The following SMG6 variants were observed in gnomAD, a reference collection of about 807,000 sequenced individuals.
The protein encoded by SMG6 is telomerase-binding protein EST1A.
Under a neutral mutation model 142.2 loss-of-function variants are expected in SMG6, and 66 were observed. That is an observed-to-expected ratio of 0.46 (90% confidence interval 0.38 to 0.57). The LOEUF is 0.57. SMG6 is among the 20% of genes least tolerant of loss of function. The pLI, the probability that SMG6 is intolerant of heterozygous loss-of-function variation, is 0.00. For missense variants in SMG6, 1,793 were observed against 1,832.0 expected (o/e 0.98, Z 0.39); for synonymous variants, 779 against 702.4 (o/e 1.11, Z -1.72).
chr17:2,075,199 T>C (rs2068223469), intron 15 of SMG6, among the ~76,000 whole-genome samples: 1 of 151,386 alleles, frequency 6.6e-6, no homozygotes, highest in African/African-American at 2.4e-5. Context: ...GTATACCCCA[T>C]TGTTCCACAA....
chr17:2,087,472 C>G, intron 13 of SMG6: 1 of 1,088,714 alleles, frequency 9.2e-7, no homozygotes, highest in Non-Finnish European at 1.1e-6. Flanking sequence ...TCACCATTGG[C>G]CCTGTTACCA....
chr17:2,303,460 C>T (rs1341104608), intron 1 of SMG6, 173 bp downstream of exon 1: 10 of 1,318,392 alleles, frequency 7.6e-6, no homozygotes, highest in African/African-American at 1.5e-5. Flanking sequence ...CCCGACCCCG[C>T]ACTAACCCGC....
intron 13 of SMG6, among the ~76,000 whole-genome samples, chr17:2,124,955 T>G (rs990778916): frequency 6.6e-6 from 1 of 152,174 alleles, no homozygotes; most frequent in Non-Finnish European, 1.5e-5. Flanking sequence ...CCCATCAGAA[T>G]GATGAACAAG....
intron 15 of SMG6, chr17:2,072,024 G>A (rs1475436470): frequency 2.0e-5 from 3 of 152,338 alleles, no homozygotes; most frequent in East Asian, 3.9e-4. Context: ...GATGCGCAGG[G>A]AGTGAAAAAG....
At chr17:2,110,349 T>C (rs1398665733) in intron 13 of SMG6, among the ~76,000 whole-genome samples, 2 of 152,176 alleles carry the variant, frequency 1.3e-5, no homozygotes, top group Non-Finnish European at 2.9e-5. Context: ...TTTTAGGCCC[T>C]GTTGCGAGTT....
At chr17:2,295,741 A>T (rs1421789714) in intron 4 of SMG6, among the ~76,000 whole-genome samples, 1 of 151,868 alleles carries the variant, frequency 6.6e-6, no homozygotes, top group Non-Finnish European at 1.5e-5. Context: ...CTTTCTCCTG[A>T]CCTCCAGAGA....
chr17:2,061,349 G>C lies in SMG6; in HGVS notation c.*143C>G. ...GTGAGGAGCAGGTCCCCCACAGCAT[G>C]GCCGTGGCGTGGGTTGGAAGAGGAT... On this transcript the variant is annotated 3_prime_UTR_variant, in exon 19 of 19. Transcript: ENST00000263073. The C allele has an allele frequency of 1.2e-6, 1 of 807,370 alleles. No homozygotes were observed. Among genetic ancestry groups the C allele is most frequent in the Non-Finnish European group, 1.9e-6 (1 of 521,998 alleles). The allele number at this position is 807,370 out of a possible 1,614,324, so 50.0% of individuals were successfully genotyped here.
intron 11 of SMG6, among the ~76,000 whole-genome samples, chr17:2,187,200 A>G (rs1457545483): frequency 6.6e-6 from 1 of 152,158 alleles, no homozygotes; most frequent in Non-Finnish European, 1.5e-5. Context: ...GAGAAACCCA[A>G]ACTGTGGGAC....
At chr17:2,254,838 C>T (rs1002469238) in intron 8 of SMG6, among the ~76,000 whole-genome samples, 1 of 152,166 alleles carries the variant, frequency 6.6e-6, no homozygotes, top group African/African-American at 2.4e-5. Flanking sequence ...AGTGCCATGA[C>T]TGGGGAAGGC....
intron 12 of SMG6, among the ~76,000 whole-genome samples, chr17:2,176,239 T>C (rs1353271316): frequency 4.6e-5 from 7 of 152,196 alleles, no homozygotes; most frequent in Admixed American, 4.6e-4. Flanking sequence ...TTTCCTGCTT[T>C]AATTCCTCAT....
At chr17:2,201,764 C>T (rs184489284) in intron 10 of SMG6, among the ~76,000 whole-genome samples, 19 of 152,044 alleles carry the variant, frequency 1.2e-4, no homozygotes, top group African/African-American at 4.6e-4. Context: ...TGGCTCATGG[C>T]TGTAATCTCA....
chr17:2,282,998 C>A, intron 7 of SMG6, 139 bp from the exon 8 acceptor site: 1 of 722,982 alleles, frequency 1.4e-6, no homozygotes, highest in Non-Finnish European at 2.3e-6. Flanking sequence ...TAGTGAAACC[C>A]TGTCTCTACT....
In SMG6 at chr17:2,298,997, G is replaced by A. The variant is rs779382943; in HGVS notation, c.1756C>T (p.Arg586Trp). 1.2e-5 allele frequency: 20 copies of A among 1,614,042 alleles called. No homozygotes were observed. The highest frequency in any genetic ancestry group is 2.2e-5 in the South Asian group (2 of 91,094). ...LQQQELHRLL[R>W]VADNQELQLS... ...TGCAGTTCCTGGTTGTCAGCCACCCGGAGAAGCCTGTGCAGCTCCTGTTGC... is the reference window on the plus strand; with the variant it reads ...TGCAGTTCCTGGTTGTCAGCCACCCAGAGAAGCCTGTGCAGCTCCTGTTGC... The change falls in exon 2 of 19, where the codon CGG becomes TGG. Residue 586 changes from arginine (R) to tryptophan (W), a missense_variant. This residue lies in a region of SMG6 where 1,597 missense variants were observed against 1,584.6 expected (regional missense o/e 1.01). Coordinates refer to ENST00000263073, the MANE Select transcript of SMG6 (RefSeq NM_017575.5).
At chr17:2,113,704 C>T (rs952748977) in intron 13 of SMG6, among the ~76,000 whole-genome samples, 1 of 152,202 alleles carries the variant, frequency 6.6e-6, no homozygotes, top group African/African-American at 2.4e-5. Context: ...TTTCACCTTT[C>T]CTTTCCTGGA....
rs1017579608 is a variant in SMG6, at chr17:2,075,461, C to T, written c.3681+6349G>A. On this transcript the variant is annotated intron_variant, in intron 15 of 18. Transcript: ENST00000263073. ...TATGTTTCAGGTGGGATGTTTGCAA[C>T]TGCTCAGGAAACCTGACCCCGCCCG... is the stretch of plus-strand genomic sequence containing the variant. Among the ~76,000 whole-genome samples the T allele has an allele frequency of 2.0e-5, 3 of 152,216 alleles. No homozygotes were observed. In the East Asian group the frequency reaches 5.8e-4, roughly 29 times the overall value.
chr17:2,105,083 ATTTTTTTTTT>A (rs549898049), intron 13 of SMG6, among the ~76,000 whole-genome samples: 5 of 103,152 alleles, frequency 4.8e-5, no homozygotes, highest in Non-Finnish European at 7.1e-5. Flanking sequence ...CACCCAGCTA[ATTTTTTTTTT>A]TTTTTTTTTT....
chr17:2,265,658 T>C (rs1356344805), intron 8 of SMG6, among the ~76,000 whole-genome samples: 1 of 152,240 alleles, frequency 6.6e-6, no homozygotes, highest in Non-Finnish European at 1.5e-5. Flanking sequence ...CAGAAAATAA[T>C]TTAGGCTTCG....
At chr17:2,175,792 T>C (rs974389939) in intron 12 of SMG6, among the ~76,000 whole-genome samples, 1 of 152,130 alleles carries the variant, frequency 6.6e-6, no homozygotes, top group African/African-American at 2.4e-5. Flanking sequence ...ACCAAGGAAA[T>C]ACACAAAATG....
At chr17:2,186,898 T>A (rs2072006633) in intron 11 of SMG6, 67 bp from the exon 12 acceptor site, 2 of 1,545,842 alleles carry the variant, frequency 1.3e-6, no homozygotes, top group Non-Finnish European at 1.8e-6. Flanking sequence ...CCTGGGGCGC[T>A]GGGACGGCAG....
Sources: gnomAD v4.1 joint callset for allele counts (sites outside exome capture counted in the v4.1 genomes callset) on GRCh38, gnomAD v4.1.1 for gene constraint, gnomAD v4.1.1 regional missense constraint, MANE v1.5 for transcripts, NCBI Gene and HGNC (gene_info 2026-07-23, HGNC 2026-07-21) for gene names.